GRID1: variants seen among roughly 807,000 people sequenced by gnomAD.
The protein encoded by GRID1 is glutamate ionotropic receptor delta type subunit 1.
GRID1 carries 28 observed loss-of-function variants against 98.0 expected under a neutral mutation model. The observed-to-expected ratio is 0.29, with a 90% CI of 0.21 to 0.39. The LOEUF is 0.39. Ranked by LOEUF, GRID1 falls within the 10% of genes least tolerant of loss-of-function variation. The pLI, the probability that GRID1 is intolerant of heterozygous loss-of-function variation, is 1.00. For synonymous variants in GRID1, 553 were observed against 538.5 expected, an observed-to-expected ratio of 1.03 and a Z score of -0.37; for missense variants, 1,111 against 1,340.5, an observed-to-expected ratio of 0.83 and a Z score of 2.67.
chr10:86,276,555 C>T (rs1238019760), intron 2 of GRID1, among the ~76,000 whole-genome samples: 4 of 150,476 alleles, frequency 2.7e-5, no homozygotes, highest in Non-Finnish European at 2.9e-5. Context: ...CAGGCTGGAG[C>T]GCAGTGGCAC....
At chr10:86,004,589 G>A (rs1194828309) in intron 4 of GRID1, among the ~76,000 whole-genome samples, 1 of 152,152 alleles carries the variant, frequency 6.6e-6, no homozygotes, top group Admixed American at 6.5e-5. Flanking sequence ...TGCAGCAGAT[G>A]GCCTTCAAAC....
At chr10:85,694,564 A>G (rs1249637137) in intron 12 of GRID1, among the ~76,000 whole-genome samples, 275 of 22,374 alleles carry the variant, frequency 0.012, 3 homozygotes, top group Middle Eastern at 0.04. Context: ...ATATATATAT[A>G]TATATATATA....
intron 8 of GRID1, among the ~76,000 whole-genome samples, chr10:85,739,355 G>A (rs550119021): frequency 6.6e-6 from 1 of 152,036 alleles, no homozygotes; most frequent in African/African-American, 2.4e-5. Context: ...TAAGGCAAGA[G>A]AATCACTTGA....
At chr10:85,602,819 G>A (rs1041189933) in intron 15 of GRID1, 118 bp from the exon 16 acceptor site, 3 of 695,402 alleles carry the variant, frequency 4.3e-6, no homozygotes, top group Non-Finnish European at 4.8e-6. Context: ...CTGTGGGCGA[G>A]TATCCCTTTC....
chr10:85,823,407 A>G (rs1842791114), intron 8 of GRID1, among the ~76,000 whole-genome samples: 1 of 152,068 alleles, frequency 6.6e-6, no homozygotes, highest in African/African-American at 2.4e-5. Context: ...AGAAATAATT[A>G]GAATCTAATT....
intron 4 of GRID1, among the ~76,000 whole-genome samples, chr10:85,963,483 G>C (rs1400730554): frequency 6.6e-6 from 1 of 152,130 alleles, no homozygotes; most frequent in Non-Finnish European, 1.5e-5. Context: ...AGTCAGACTT[G>C]TGCTCAAACC....
chr10:85,815,619 T>C (rs1842710058), intron 8 of GRID1, among the ~76,000 whole-genome samples: 2 of 152,050 alleles, frequency 1.3e-5, no homozygotes, highest in African/African-American at 4.8e-5. Context: ...ACTTTAAAAC[T>C]TCTAGAATAA....
intron 12 of GRID1, among the ~76,000 whole-genome samples, chr10:85,711,390 C>A (rs1265550656): frequency 2.0e-5 from 3 of 151,794 alleles, no homozygotes; most frequent in Admixed American, 1.3e-4. Flanking sequence ...AAAACAATTG[C>A]CATATAATGC....
intron 4 of GRID1, among the ~76,000 whole-genome samples, chr10:85,983,298 A>G (rs915304337): frequency 3.3e-5 from 5 of 152,180 alleles, no homozygotes; most frequent in African/African-American, 1.2e-4. Context: ...AAGCTGGGGG[A>G]GCCACTCACA....
At chr10:86,221,055 T>G (rs1446575075) in intron 2 of GRID1, among the ~76,000 whole-genome samples, 1 of 152,216 alleles carries the variant, frequency 6.6e-6, no homozygotes, top group East Asian at 1.9e-4. Context: ...CCATTCAGCC[T>G]GGCCCTGCTC....
chr10:86,186,241 C>T (rs951704847), intron 3 of GRID1, among the ~76,000 whole-genome samples: 3 of 152,152 alleles, frequency 2.0e-5, no homozygotes, highest in Non-Finnish European at 2.9e-5. Flanking sequence ...TGTTTAATGC[C>T]TCTCACATCT....
chr10:85,774,296 C>T (rs1020592099), intron 8 of GRID1, among the ~76,000 whole-genome samples: 18 of 152,152 alleles, frequency 1.2e-4, no homozygotes, highest in African/African-American at 4.3e-4. Flanking sequence ...AACTGGATCC[C>T]TTCCTTACAC....
At chr10:85,877,904 C>G (rs890288243) in intron 5 of GRID1, among the ~76,000 whole-genome samples, 1 of 152,146 alleles carries the variant, frequency 6.6e-6, no homozygotes, top group Non-Finnish European at 1.5e-5. Context: ...ACTAGAATAA[C>G]CAATGCACAG....
chr10:86,338,262 A>C (rs1848255878), intron 2 of GRID1, among the ~76,000 whole-genome samples: 1 of 142,478 alleles, frequency 7.0e-6, no homozygotes, highest in African/African-American at 2.8e-5. Context: ...CACATGAACC[A>C]GGGTGGGCCA....
rs895550625 is a variant in GRID1, at chr10:86,251,753, G to T, written c.236-45105C>A. ...AGATTGAAACAGGCCTTCACCAGGG[G>T]TCAGGAAGCACAGATACCTAGCACC... On this transcript the variant is annotated intron_variant, in intron 2 of 15. Coordinates refer to ENST00000327946, the MANE Select transcript of GRID1 (RefSeq NM_017551.3). 3.3e-5 allele frequency among the ~76,000 whole-genome samples: 5 copies of T among 152,254 alleles called. No homozygotes were observed. In the East Asian group the frequency reaches 9.7e-4, roughly 29 times the overall value.
In GRID1 at chr10:85,772,222, A is replaced by G. The variant is rs1378184957; in HGVS notation, c.1234-42608T>C. Among the ~76,000 whole-genome samples, 8 of 152,242 alleles carry G rather than the reference A, an allele frequency of 5.3e-5. No individual in the cohort carries two copies. In the South Asian group the frequency reaches 1.7e-3, roughly 32 times the overall value. On this transcript the variant is annotated intron_variant, in intron 8 of 15. Coordinates refer to ENST00000327946, the MANE Select transcript of GRID1 (RefSeq NM_017551.3). ...CTGAACAACCTGCTCCTGAATGACTACTGGGTACATAACGAAATGAAGGCA... is the reference window on the plus strand; with the variant it reads ...CTGAACAACCTGCTCCTGAATGACTGCTGGGTACATAACGAAATGAAGGCA...
chr10:86,201,309 A>G (rs923237433), intron 3 of GRID1, among the ~76,000 whole-genome samples: 1 of 152,258 alleles, frequency 6.6e-6, no homozygotes, highest in African/African-American at 2.4e-5. Context: ...TCTCAGAAGC[A>G]TGCAGAAGTG....
intron 2 of GRID1, among the ~76,000 whole-genome samples, chr10:86,266,966 CA>C (rs1349857631): frequency 6.6e-6 from 1 of 152,182 alleles, no homozygotes; most frequent in African/African-American, 2.4e-5. Context: ...TCCCCAAGAA[CA>C]AGAGTAAATA....
At chr10:85,723,347 C>T (rs939399505) in intron 11 of GRID1, among the ~76,000 whole-genome samples, 1 of 152,062 alleles carries the variant, frequency 6.6e-6, no homozygotes, top group Admixed American at 6.5e-5. Flanking sequence ...GGGCAGAGGA[C>T]CACAAAATAT....
Sources: allele counts gnomAD v4.1 joint callset (sites outside exome capture counted in the v4.1 genomes callset), GRCh38; gene constraint gnomAD v4.1.1; transcripts MANE v1.5; gene names NCBI Gene and HGNC (gene_info 2026-07-23, HGNC 2026-07-21).